The following PDE11A variants were observed in gnomAD, a reference collection of about 807,000 sequenced individuals.
PDE11A encodes the protein phosphodiesterase 11A, also known as dual 3',5'-cyclic-AMP and -GMP phosphodiesterase 11A.
Under a neutral mutation model 100.5 loss-of-function variants are expected in PDE11A, and 100 were observed. The ratio of observed to expected loss-of-function variants is 1.00; its 90% confidence interval spans 0.85 to 1.18. PDE11A has a LOEUF of 1.18. Ranked by LOEUF, PDE11A falls within the 50% of genes most tolerant of loss-of-function variation. The pLI is 0.00. For synonymous variants in PDE11A, 381 were observed against 420.8 expected (o/e 0.91, Z 1.16); for missense variants, 1,141 against 1,152.6 (o/e 0.99, Z 0.15).
Position 177,716,919 on chromosome 2 carries a change from G to A in PDE11A, c.2044-5041C>T, listed in dbSNP as rs150173819. ...TTATCACCCATTTTATAATAAGATG[G>A]AACATATTTTGCTAAAATGTTCCAC... On this transcript the variant is annotated intron_variant, in intron 12 of 19. Coordinates refer to ENST00000286063, the MANE Select transcript of PDE11A (RefSeq NM_016953.4). 2.7e-3 allele frequency among the ~76,000 whole-genome samples: 416 copies of A among 152,170 alleles called. 7 individuals carry two copies. The highest frequency in any genetic ancestry group is 9.4e-3 in the African/African-American group (389 of 41,532).
intron 6 of PDE11A, among the ~76,000 whole-genome samples, chr2:177,839,000 C>T (rs1045212747): frequency 2.6e-5 from 4 of 152,106 alleles, no homozygotes; most frequent in Admixed American, 2.0e-4. Context: ...GATTTAGGAG[C>T]CTCTAACCTC....
chr2:177,861,066 C>T (rs2083936538), intron 5 of PDE11A, among the ~76,000 whole-genome samples: 1 of 151,546 alleles, frequency 6.6e-6, no homozygotes, highest in Non-Finnish European at 1.5e-5. Context: ...TTCTATTTAA[C>T]AATGTACTGG....
chr2:177,747,462 G>A (rs541629336), intron 10 of PDE11A, among the ~76,000 whole-genome samples: 2 of 152,298 alleles, frequency 1.3e-5, no homozygotes, highest in East Asian at 3.9e-4. Context: ...TAGAATGGGT[G>A]GCACAGGGAG....
chr2:178,104,481 A>C, intron 1 of PDE11A: 1 of 1,613,256 alleles, frequency 6.2e-7, no homozygotes. Context: ...GTTGCTCTGC[A>C]ATGGAACATT....
intron 1 of PDE11A, among the ~76,000 whole-genome samples, chr2:178,063,103 G>T (rs1364159237): frequency 6.6e-6 from 1 of 151,900 alleles, no homozygotes; most frequent in Admixed American, 6.6e-5. Flanking sequence ...TTTCATATGG[G>T]GATTTATTTC....
At chr2:177,670,381 ATT>A (rs71010814) in intron 17 of PDE11A, among the ~76,000 whole-genome samples, 40 of 151,364 alleles carry the variant, frequency 2.6e-4, no homozygotes, top group African/African-American at 8.7e-4. Flanking sequence ...AGCTAAACAG[ATT>A]TTTTTTTTTC....
chr2:177,775,709 C>A (rs1038699635), intron 9 of PDE11A, among the ~76,000 whole-genome samples: 2 of 152,220 alleles, frequency 1.3e-5, no homozygotes, highest in Non-Finnish European at 2.9e-5. Context: ...TCCCTGTCCT[C>A]ATCACCTCAT....
At chr2:177,736,236 G>A (rs2081779419) in intron 10 of PDE11A, among the ~76,000 whole-genome samples, 1 of 152,206 alleles carries the variant, frequency 6.6e-6, no homozygotes, top group Admixed American at 6.5e-5. Flanking sequence ...GAAGGGCCAG[G>A]CGTAGTGGCT....
intron 15 of PDE11A, chr2:177,687,625 G>A (rs1574045241): frequency 6.6e-6 from 1 of 152,234 alleles, no homozygotes. Context: ...TACATACAAT[G>A]CAGCTATGAA....
At position 177,874,959 on chromosome 2, in the gene PDE11A, C is replaced by T. The variant is rs535022254; in HGVS notation, c.1367+900G>A. ...TACAAGGTGGCCGGGCACAGTGGTT[C>T]GCACCTGTAATGCTAGCACTTTGGG... On this transcript the variant is annotated intron_variant, in intron 5 of 19. Transcript: ENST00000286063. 5.3e-5 allele frequency among the ~76,000 whole-genome samples: 8 copies of T among 152,234 alleles called. No homozygotes were observed. In the South Asian group the frequency reaches 1.0e-3, roughly 20 times the overall value.
intron 2 of PDE11A, among the ~76,000 whole-genome samples, chr2:178,012,368 T>G (rs1482810174): frequency 6.6e-6 from 1 of 152,228 alleles, no homozygotes; most frequent in Non-Finnish European, 1.5e-5. Context: ...AAAATATTAA[T>G]TATTTAAAAA....
chr2:177,979,607 T>C (rs1398262628), intron 2 of PDE11A, among the ~76,000 whole-genome samples: 2 of 124,830 alleles, frequency 1.6e-5, no homozygotes, highest in Non-Finnish European at 3.3e-5. Flanking sequence ...TATCCTCAGA[T>C]GATCTTTTTT....
rs150500736 is a variant in PDE11A, at chr2:177,757,146, T to G, written c.1788+12177A>C. ...ATCTGTAAAATAAGAAAAATAATAGTAGGGTTTTTGTGAAGACTAAATAAA... is the reference window on the plus strand; with the variant it reads ...ATCTGTAAAATAAGAAAAATAATAGGAGGGTTTTTGTGAAGACTAAATAAA... On this transcript the variant is annotated intron_variant, in intron 10 of 19. Transcript: ENST00000286063. 3.2e-3 allele frequency among the ~76,000 whole-genome samples: 487 copies of G among 152,324 alleles called. 5 individuals are homozygous for G. In the East Asian group the frequency reaches 0.046, roughly 14 times the overall value.
At chr2:177,948,541 T>C (rs2085470917) in intron 2 of PDE11A, among the ~76,000 whole-genome samples, 1 of 152,274 alleles carries the variant, frequency 6.6e-6, no homozygotes, top group South Asian at 2.1e-4. Context: ...ATTTTTCTTA[T>C]ATATGTTAAT....
At chr2:177,835,444 T>G (rs1016346497) in intron 6 of PDE11A, among the ~76,000 whole-genome samples, 3 of 152,152 alleles carry the variant, frequency 2.0e-5, no homozygotes, top group Non-Finnish European at 4.4e-5. Flanking sequence ...TCCTCCAAAC[T>G]GGGAAAAGTT....
chr2:178,033,788 T>C (rs1216908629), intron 1 of PDE11A, among the ~76,000 whole-genome samples: 2 of 152,190 alleles, frequency 1.3e-5, no homozygotes, highest in Non-Finnish European at 2.9e-5. Context: ...CAGAATTTCA[T>C]ACCCAGCCAA....
At chr2:177,850,392 G>C (rs1292799229) in intron 5 of PDE11A, among the ~76,000 whole-genome samples, 2 of 152,106 alleles carry the variant, frequency 1.3e-5, no homozygotes, top group African/African-American at 2.4e-5. Flanking sequence ...ATTCAAGATG[G>C]ATTAAAGACT....
chr2:177,898,749 T>C (rs913844246), intron 3 of PDE11A, among the ~76,000 whole-genome samples: 1 of 152,106 alleles, frequency 6.6e-6, no homozygotes, highest in Non-Finnish European at 1.5e-5. Flanking sequence ...CTCTTTTAAA[T>C]TGGAAAGAAA....
chr2:177,898,222 T>A, intron 3 of PDE11A, 24 bp from the exon 4 acceptor site: 1 of 1,562,320 alleles, frequency 6.4e-7, no homozygotes, highest in Non-Finnish European at 8.8e-7. Flanking sequence ...AATAGATGTA[T>A]ATAAGTGGAT....
Sources: gnomAD v4.1 joint callset for allele counts (sites outside exome capture counted in the v4.1 genomes callset) on GRCh38, gnomAD v4.1.1 for gene constraint, MANE v1.5 for transcripts, NCBI Gene and HGNC (gene_info 2026-07-23, HGNC 2026-07-21) for gene names.